The following CTDSPL variants were observed in gnomAD, a reference collection of about 807,000 sequenced individuals.
CTDSPL encodes the protein CTD small phosphatase-like protein.
CTDSPL carries 8 observed loss-of-function variants against 30.5 expected under a neutral mutation model. That is an observed-to-expected ratio of 0.26 (90% CI 0.15 to 0.47). CTDSPL has a LOEUF of 0.47. Among genes scored for constraint, CTDSPL ranks in the 20% least tolerant of loss-of-function variants. The pLI is 0.99. For missense variants in CTDSPL, 248 were observed against 366.1 expected (o/e 0.68, Z 2.63); for synonymous variants, 110 against 137.9 (o/e 0.80, Z 1.42).
intron 7 of CTDSPL, among the ~76,000 whole-genome samples, chr3:37,977,453 A>G (rs963157197): frequency 2.0e-5 from 3 of 152,172 alleles, no homozygotes; most frequent in African/African-American, 7.2e-5. Flanking sequence ...TTTGTCTTGT[A>G]GAAATCTCCT....
At position 37,981,724 on chromosome 3, in the gene CTDSPL, TTTG is replaced by T; in HGVS notation, c.*863_*865del. 2.4e-6 allele frequency: 1 copy of T among 417,354 alleles called. No homozygotes were observed. The highest frequency in any genetic ancestry group is 4.9e-6 in the Non-Finnish European group (1 of 205,434). The allele number at this position is 417,354 out of a possible 1,614,324, so 25.9% of individuals were successfully genotyped here. ...ACACTACTGCCATACATTTGTGTTT[TTTG>T]TTGTTATTGTTTGGGTAGAGCAGTT... On this transcript the variant is annotated 3_prime_UTR_variant, in exon 8 of 8. Transcript: ENST00000273179.
At chr3:37,886,345 G>A (rs1334929448) in intron 1 of CTDSPL, among the ~76,000 whole-genome samples, 1 of 152,084 alleles carries the variant, frequency 6.6e-6, no homozygotes, top group East Asian at 1.9e-4. Flanking sequence ...TTCCCTCACA[G>A]CCTCACATCT....
At chr3:37,968,454 AT>A (rs997273882) in intron 5 of CTDSPL, 4 of 223,104 alleles carry the variant, frequency 1.8e-5, no homozygotes, top group South Asian at 9.5e-5. Context: ...GTTGCTTCTG[AT>A]TTTTTTTCCT....
chr3:37,880,911 G>A (rs902422314), intron 1 of CTDSPL, among the ~76,000 whole-genome samples: 1 of 151,894 alleles, frequency 6.6e-6, no homozygotes, highest in Non-Finnish European at 1.5e-5. Flanking sequence ...GGACCCTCTG[G>A]TGTAGCCTAA....
intron 1 of CTDSPL, among the ~76,000 whole-genome samples, chr3:37,905,514 G>A (rs996340673): frequency 5.9e-5 from 9 of 152,204 alleles, no homozygotes; most frequent in Non-Finnish European, 4.4e-5. Flanking sequence ...AGCTATTTCT[G>A]TATGTAAGTA....
At chr3:37,868,560 A>T (rs1198087483) in intron 1 of CTDSPL, among the ~76,000 whole-genome samples, 1 of 151,944 alleles carries the variant, frequency 6.6e-6, no homozygotes, top group Non-Finnish European at 1.5e-5. Flanking sequence ...TAAGTTCATG[A>T]TCCATTCTGA....
chr3:37,969,472 C>A, intron 5 of CTDSPL: 1 of 505,626 alleles, frequency 2.0e-6, no homozygotes, highest in Admixed American at 2.1e-5. Context: ...GTTACTTGCA[C>A]GGGGACGCGG....
At chr3:37,894,263 A>T (rs960595205) in intron 1 of CTDSPL, among the ~76,000 whole-genome samples, 2 of 146,316 alleles carry the variant, frequency 1.4e-5, no homozygotes, top group African/African-American at 5.0e-5. Flanking sequence ...AAAAAAAGTT[A>T]TTTTTTTTTT....
Position 37,975,901 on chromosome 3 carries a change from G to A in CTDSPL, c.705+7G>A, listed in dbSNP as rs1194933726. ...CTTCCATCCTGAGAATGCAGTAAGT[G>A]GCCCCAAAGAAAGAAAATGTCGTGC... On this transcript the variant is annotated splice_region_variant and intron_variant, in intron 7 of 7. Transcript: ENST00000273179. The surrounding 1 kb of genome is among the most constrained non-coding windows in gnomAD (Gnocchi z 4.9). The A allele has an allele frequency of 2.5e-6, 4 of 1,610,106 alleles. No individual in the cohort carries two copies. The highest frequency in any genetic ancestry group is 3.4e-6 in the Non-Finnish European group (4 of 1,176,902).
In CTDSPL at chr3:37,942,283, C is replaced by T. The variant is rs375083810; in HGVS notation, c.80-4774C>T. Among the ~76,000 whole-genome samples the T allele has an allele frequency of 1.3e-4, 19 of 150,564 alleles. No homozygotes were observed. The East Asian group carries it at 2.3e-3, about 19-fold the overall frequency. ...CCGCAGAATCCAGCCTTTGATCCAG[C>T]GTTCCTGGAGAACCCTCACTCATTT... On this transcript the variant is annotated intron_variant, in intron 1 of 7. Coordinates refer to ENST00000273179, the MANE Select transcript of CTDSPL (RefSeq NM_001008392.2).
At chr3:37,897,619 T>C (rs1291008986) in intron 1 of CTDSPL, among the ~76,000 whole-genome samples, 3 of 152,148 alleles carry the variant, frequency 2.0e-5, no homozygotes, top group African/African-American at 7.2e-5. Context: ...TATTGAACCA[T>C]TGGGTGAGCG....
At chr3:37,929,098 G>A (rs1248752102) in intron 1 of CTDSPL, among the ~76,000 whole-genome samples, 1 of 152,112 alleles carries the variant, frequency 6.6e-6, no homozygotes, top group Non-Finnish European at 1.5e-5. Context: ...ACATGCATAG[G>A]TTTATTTCTG....
At chr3:37,881,755 ATG>A (rs1192634101) in intron 1 of CTDSPL, among the ~76,000 whole-genome samples, 6 of 151,784 alleles carry the variant, frequency 4.0e-5, no homozygotes, top group Non-Finnish European at 2.9e-5. Context: ...ATGGATATAT[ATG>A]TGTGTTGAAA....
chr3:37,953,276 C>G (rs1343373753), intron 2 of CTDSPL, among the ~76,000 whole-genome samples: 2 of 152,176 alleles, frequency 1.3e-5, no homozygotes, highest in South Asian at 2.1e-4. Flanking sequence ...CATTCACGTG[C>G]CTACGCCCCA....
intron 1 of CTDSPL, among the ~76,000 whole-genome samples, chr3:37,926,795 A>C (rs1559635683): frequency 6.6e-6 from 1 of 152,230 alleles, no homozygotes; most frequent in East Asian, 1.9e-4. Flanking sequence ...AGTGTTAGGC[A>C]ATAGTGATAG....
intron 7 of CTDSPL, 109 bp from the exon 8 acceptor site, chr3:37,980,633 A>G: frequency 1.5e-6 from 2 of 1,374,722 alleles, no homozygotes; most frequent in African/African-American, 1.4e-5. Context: ...TGATGACACC[A>G]GTCGTCCTTA....
chr3:37,977,892 A>G (rs1339930233), intron 7 of CTDSPL, among the ~76,000 whole-genome samples: 1 of 152,056 alleles, frequency 6.6e-6, no homozygotes, highest in East Asian at 1.9e-4. Context: ...GCAAGACCCT[A>G]TCCCAAAAAA....
intron 1 of CTDSPL, among the ~76,000 whole-genome samples, chr3:37,930,946 A>G (rs1203943476): frequency 6.6e-6 from 1 of 152,080 alleles, no homozygotes; most frequent in East Asian, 1.9e-4. Flanking sequence ...GTCTCTTGTG[A>G]CAGCTTTTTG....
chr3:37,887,666 G>A (rs1698278363), intron 1 of CTDSPL, among the ~76,000 whole-genome samples: 1 of 152,194 alleles, frequency 6.6e-6, no homozygotes, highest in African/African-American at 2.4e-5. Flanking sequence ...CATAGTAAGT[G>A]TTCAATAAGG....
Sources: allele counts gnomAD v4.1 joint callset (sites outside exome capture counted in the v4.1 genomes callset), GRCh38; gene constraint gnomAD v4.1.1; non-coding constraint Gnocchi (gnomAD v3.1); transcripts MANE v1.5; gene names NCBI Gene and HGNC (gene_info 2026-07-23, HGNC 2026-07-21).